Variants in PRKDC observed in about 807,000 individuals in gnomAD.
PRKDC encodes protein kinase, DNA-activated, catalytic subunit.
In PRKDC, 82 loss-of-function variants were observed where a neutral mutation model predicts 486.9. The ratio of observed to expected loss-of-function variants is 0.17; its 90% CI spans 0.14 to 0.20. The LOEUF is 0.20. PRKDC is among the 10% of genes least tolerant of loss of function. The probability of loss-of-function intolerance (pLI) is 1.00; values close to 1 mark genes in which losing one functional copy is unlikely to be tolerated. For synonymous variants in PRKDC, 1,895 were observed against 1,837.0 expected (o/e 1.03, Z -0.81); for missense variants, 4,504 against 5,038.2 (o/e 0.89, Z 3.21).
At position 47,929,985 on chromosome 8, in the gene PRKDC, T is replaced by C. The variant is rs769913150; in HGVS notation, c.1920A>G (p.Glu640=). The C allele has an allele frequency of 5.6e-6, 9 of 1,605,376 alleles. No homozygotes were observed. Among genetic ancestry groups the C allele is most frequent in the African/African-American group, 1.3e-5 (1 of 74,656 alleles). ...ATGAGTACACCCATGGTTCAAAAAA[T>C]TCTGCTTGTTTCTCAGGGAGAATCT... ...CREILPEKQA[E]FFEPWVYSFS... is the part of the protein sequence containing the mutation. The change falls in exon 18 of 86, where the codon GAA becomes GAG. Residue 640 remains glutamate (E), a synonymous_variant. Coordinates refer to ENST00000314191, the MANE Select transcript of PRKDC (RefSeq NM_006904.7).
At chr8:47,831,969 C>T (rs2087891094) in intron 59 of PRKDC, 43 bp from the exon 60 acceptor site, 1 of 1,544,870 alleles carries the variant, frequency 6.5e-7, no homozygotes, top group African/African-American at 1.4e-5. Flanking sequence ...GCCGCCCAGA[C>T]ACTTGGCTCT....
At chr8:47,932,015 T>G (rs2090264457) in intron 16 of PRKDC, among the ~76,000 whole-genome samples, 1 of 150,218 alleles carries the variant, frequency 6.7e-6, no homozygotes, top group Non-Finnish European at 1.5e-5. Context: ...CTCTGCCTCC[T>G]GAGTACCTGG....
rs1413115307 is a variant in PRKDC at position 47,773,332 on chromosome 8, GCTTT to G, written c.*837_*840del. ...TTCATCTTGTTGTGCTAGAATGCAT[GCTTT>G]TTTTCCTCCAAATGAGGAATTCATT... is the stretch of plus-strand genomic sequence containing the variant. On this transcript the variant is annotated 3_prime_UTR_variant, in exon 86 of 86. Transcript: ENST00000314191. The G allele has an allele frequency of 1.3e-5, 3 of 224,512 alleles. No individual in the cohort carries two copies. The highest frequency in any genetic ancestry group is 6.7e-5 in the African/African-American group (3 of 44,744). The allele number at this position is 224,512 out of a possible 1,614,324, so 13.9% of individuals were successfully genotyped here.
In PRKDC at chr8:47,829,429, C is replaced by T. The variant is rs147967030; in HGVS notation, c.8398-1082G>A. ...AGTTACTATAGCCAAAAATTAAATA[C>T]TTGAAAAGTTTACTGTGAAATTCTA... On this transcript the variant is annotated intron_variant, in intron 61 of 85. Coordinates refer to ENST00000314191, the MANE Select transcript of PRKDC (RefSeq NM_006904.7). 5.9e-5 allele frequency among the ~76,000 whole-genome samples: 9 copies of T among 152,184 alleles called. No individual in the cohort carries two copies. In the East Asian group the frequency reaches 9.6e-4, roughly 16 times the overall value.
At chr8:47,908,851 CG>C (rs1203299448) in intron 25 of PRKDC, among the ~76,000 whole-genome samples, 2 of 152,132 alleles carry the variant, frequency 1.3e-5, no homozygotes, top group African/African-American at 4.8e-5. Context: ...ATTTATAGTT[CG>C]TTTTTCCTTC....
chr8:47,903,535 A>T (rs753594152), intron 26 of PRKDC, among the ~76,000 whole-genome samples: 2 of 152,186 alleles, frequency 1.3e-5, no homozygotes, highest in African/African-American at 2.4e-5. Context: ...TAATGGGAGG[A>T]GAGGGTGCTT....
intron 27 of PRKDC, among the ~76,000 whole-genome samples, 195 bp downstream of exon 27, chr8:47,902,374 T>C (rs2089702510): frequency 6.6e-6 from 1 of 152,210 alleles, no homozygotes; most frequent in Non-Finnish European, 1.5e-5. Flanking sequence ...TTTACATGCA[T>C]TTCTCAGCAG....
At chr8:47,855,510 G>C (rs2088515581) in intron 49 of PRKDC, 137 bp from the exon 50 acceptor site, 1 of 935,300 alleles carries the variant, frequency 1.1e-6, no homozygotes, top group South Asian at 1.8e-5. Context: ...TGATTTTTCA[G>C]AAACAGGTAA....
chr8:47,887,853 T>C (rs1311465358), intron 34 of PRKDC, 148 bp from the exon 35 acceptor site: 1 of 932,342 alleles, frequency 1.1e-6, no homozygotes, highest in Non-Finnish European at 1.6e-6. Context: ...TCAACTTTGC[T>C]TTTGTTGTTC....
intron 21 of PRKDC, among the ~76,000 whole-genome samples, chr8:47,919,179 C>T (rs2090035017): frequency 6.6e-6 from 1 of 152,170 alleles, no homozygotes; most frequent in South Asian, 2.1e-4. Context: ...CAGCATTCAC[C>T]TAAGAATGTT....
At chr8:47,845,226 CCAACCAAAA>C (rs2088239418) in intron 54 of PRKDC, among the ~76,000 whole-genome samples, 1 of 151,906 alleles carries the variant, frequency 6.6e-6, no homozygotes, top group African/African-American at 2.4e-5. Flanking sequence ...CACCTTAAAA[CCAACCAAAA>C]CAAAACAAAC....
chr8:47,871,598 T>C (rs1331739556), intron 40 of PRKDC, among the ~76,000 whole-genome samples: 1 of 152,194 alleles, frequency 6.6e-6, no homozygotes, highest in Non-Finnish European at 1.5e-5. Context: ...TTTTTGTTGT[T>C]GTTGTTTTTG....
chr8:47,950,866 T>C (rs1050628969), intron 7 of PRKDC, among the ~76,000 whole-genome samples: 2 of 151,812 alleles, frequency 1.3e-5, no homozygotes, highest in African/African-American at 4.8e-5. Flanking sequence ...GTCTCAGCTA[T>C]TTTTGATGCT....
At chr8:47,862,232 C>T (rs1438944666) in intron 43 of PRKDC, 105 bp from the exon 44 acceptor site, 19 of 1,345,692 alleles carry the variant, frequency 1.4e-5, no homozygotes, top group Middle Eastern at 2.0e-4. Flanking sequence ...AAAAGCACTC[C>T]AGCTTTAAAT....
intron 52 of PRKDC, among the ~76,000 whole-genome samples, chr8:47,851,120 T>A (rs2088393453): frequency 6.6e-6 from 1 of 152,238 alleles, no homozygotes; most frequent in African/African-American, 2.4e-5. Context: ...TCTTACCAAC[T>A]TCTTTATGTT....
chr8:47,918,193 TA>T, intron 22 of PRKDC, 83 bp downstream of exon 22: 1 of 919,844 alleles, frequency 1.1e-6, no homozygotes. Flanking sequence ...ACTAACATTT[TA>T]AATGAAGATT....
rs1310703807 is a variant in PRKDC at position 47,836,454 on chromosome 8, G to A, written c.7835C>T (p.Ser2612Phe). The change falls in exon 58 of 86, where the codon TCC (serine) becomes TTC (phenylalanine). Residue 2612 changes from serine to phenylalanine, a missense_variant. Physicochemically the swap from Ser to Phe is radical, Grantham distance 155. This residue lies in a region of PRKDC where 1,592 missense variants were observed against 1,724.6 expected (regional missense o/e 0.92). Transcript: ENST00000314191. Reference protein sequence around the residue: ...LTPMFVETQASQGTLQTRTQE... With the variant: ...LTPMFVETQAFQGTLQTRTQE... ...GGTACGGGTCTGGAGAGTGCCCTGG[G>A]AGGCCTGGGTCTCCACAAACATCGG... 6.2e-7 allele frequency: 1 copy of A among 1,612,352 alleles called. No individual in the cohort carries two copies. Among genetic ancestry groups the A allele is most frequent in the East Asian group, 2.2e-5 (1 of 44,838 alleles).
chr8:47,926,584 A>G (rs1036458080), intron 21 of PRKDC, among the ~76,000 whole-genome samples: 5 of 152,168 alleles, frequency 3.3e-5, no homozygotes, highest in African/African-American at 1.2e-4. Context: ...TTTTGCTTGC[A>G]TCGGATGACA....
Position 47,811,779 on chromosome 8 carries a change from C to A in PRKDC, c.9558-4453G>T, listed in dbSNP as rs955957272. On this transcript the variant is annotated intron_variant, in intron 68 of 85. Transcript: ENST00000314191. ...ATCACCTAAGGTCAGGAGTTCGAGA[C>A]CAGCCTGACCAACATGGCGAAACCC... 3.3e-5 allele frequency among the ~76,000 whole-genome samples: 5 copies of A among 152,158 alleles called. No homozygotes were observed. In the East Asian group the frequency reaches 9.6e-4, roughly 29 times the overall value.
Sources: allele counts gnomAD v4.1 joint callset (sites outside exome capture counted in the v4.1 genomes callset), GRCh38; gene constraint gnomAD v4.1.1; regional missense constraint gnomAD v4.1.1; transcripts MANE v1.5; gene names NCBI Gene and HGNC (gene_info 2026-07-23, HGNC 2026-07-21).